The following CEP112 variants were observed in gnomAD, a reference collection of about 807,000 sequenced individuals.
CEP112 encodes the protein centrosomal protein 112.
A neutral mutation model predicts 153.0 loss-of-function variants in CEP112; 127 were observed. The observed-to-expected ratio is 0.83, with a 90% CI of 0.72 to 0.96. CEP112 has a LOEUF of 0.96. Ranked by LOEUF, CEP112 falls within the 40% of genes least tolerant of loss-of-function variation. The pLI, the probability that CEP112 is intolerant of heterozygous loss-of-function variation, is 0.00. For missense variants in CEP112, 1,089 were observed against 1,101.2 expected, an observed-to-expected ratio of 0.99 and a Z score of 0.16; for synonymous variants, 358 against 374.4, an observed-to-expected ratio of 0.96 and a Z score of 0.51.
At chr17:65,874,596 A>G (rs2058763965) in intron 20 of CEP112, among the ~76,000 whole-genome samples, 1 of 152,070 alleles carries the variant, frequency 6.6e-6, no homozygotes, top group South Asian at 2.1e-4. Flanking sequence ...TAAAGCCTGT[A>G]ATTTTGCTTC....
chr17:65,805,770 T>A (rs2055561331), intron 21 of CEP112, among the ~76,000 whole-genome samples: 1 of 152,216 alleles, frequency 6.6e-6, no homozygotes, highest in South Asian at 2.1e-4. Context: ...AAAAATAATC[T>A]GAATTAATCC....
intron 17 of CEP112, among the ~76,000 whole-genome samples, chr17:65,980,098 C>T (rs1207364640): frequency 6.6e-6 from 1 of 152,074 alleles, no homozygotes; most frequent in East Asian, 1.9e-4. Flanking sequence ...CGATACAGAC[C>T]ATTTCCAGAC....
At chr17:65,685,189 T>C (rs556053711) in intron 24 of CEP112, among the ~76,000 whole-genome samples, 1 of 152,328 alleles carries the variant, frequency 6.6e-6, no homozygotes, top group African/African-American at 2.4e-5. Context: ...CACCAAGGCA[T>C]GTGGTGGACA....
Position 65,791,923 on chromosome 17 carries a change from A to T in CEP112, c.2395-41199T>A, listed in dbSNP as rs972275317. Among the ~76,000 whole-genome samples the T allele has an allele frequency of 5.9e-5, 9 of 152,232 alleles. No individual in the cohort carries two copies. In the East Asian group the frequency reaches 1.7e-3, roughly 29 times the overall value. Reference sequence around the variant, plus strand: ...TTTCACTGAGTCCGCAACTCTCAGCATGTAATTATTTATCTAATTCAAGTC... The same window carrying T: ...TTTCACTGAGTCCGCAACTCTCAGCTTGTAATTATTTATCTAATTCAAGTC... On this transcript the variant is annotated intron_variant, in intron 21 of 26. Transcript: ENST00000535342.
chr17:66,084,003 G>A (rs1227213471), intron 8 of CEP112, among the ~76,000 whole-genome samples: 1 of 152,156 alleles, frequency 6.6e-6, no homozygotes, highest in Non-Finnish European at 1.5e-5. Flanking sequence ...GTTGGAAGGT[G>A]AAAGGCTTTT....
chr17:65,816,731 C>G (rs958034953), intron 21 of CEP112, among the ~76,000 whole-genome samples: 3 of 151,758 alleles, frequency 2.0e-5, no homozygotes, highest in Admixed American at 1.3e-4. Flanking sequence ...TTGTGTGTGT[C>G]TGTAGTCTGT....
At chr17:66,095,709 A>C (rs1453724722) in intron 8 of CEP112, among the ~76,000 whole-genome samples, 1 of 152,226 alleles carries the variant, frequency 6.6e-6, no homozygotes, top group Non-Finnish European at 1.5e-5. Context: ...GGTGATTCAT[A>C]TATCAAGCTC....
chr17:65,811,231 T>C (rs6504359), intron 21 of CEP112, among the ~76,000 whole-genome samples: 148,281 of 152,272 alleles, frequency 0.97, 72,246 homozygotes, highest in East Asian at 1. Context: ...AAGGTAGAGG[T>C]AAATAGGGGC....
At chr17:65,833,428 A>T (rs1055522983) in intron 21 of CEP112, among the ~76,000 whole-genome samples, 3 of 152,108 alleles carry the variant, frequency 2.0e-5, no homozygotes, top group African/African-American at 7.2e-5. Flanking sequence ...CTCTGTTTGC[A>T]GACATGATTC....
chr17:66,022,212 CT>C (rs1464457381), intron 16 of CEP112, among the ~76,000 whole-genome samples: 1 of 152,142 alleles, frequency 6.6e-6, no homozygotes, highest in African/African-American at 2.4e-5. Context: ...GTAAACAGCT[CT>C]ACCCAACATA....
chr17:65,811,295 T>G (rs1486654300), intron 21 of CEP112, among the ~76,000 whole-genome samples: 19 of 152,154 alleles, frequency 1.2e-4, no homozygotes, highest in Admixed American at 1.2e-3. Context: ...CCATGAAATC[T>G]AAGCTGAGAA....
At chr17:65,982,303 CAGAGAAA>C (rs2063257232) in intron 17 of CEP112, among the ~76,000 whole-genome samples, 2 of 152,090 alleles carry the variant, frequency 1.3e-5, no homozygotes, top group Non-Finnish European at 2.9e-5. Flanking sequence ...TACTGATTAG[CAGAGAAA>C]AATGTGCTTT....
intron 17 of CEP112, among the ~76,000 whole-genome samples, chr17:65,983,919 T>C (rs2063314138): frequency 6.6e-6 from 1 of 152,196 alleles, no homozygotes; most frequent in South Asian, 2.1e-4. Context: ...CTCTCTACAT[T>C]GTGTTTCTGA....
chr17:66,102,053 C>A (rs2068588707), intron 6 of CEP112, among the ~76,000 whole-genome samples: 1 of 152,006 alleles, frequency 6.6e-6, no homozygotes. Flanking sequence ...ATTTTTCCAC[C>A]TTATATAGAT....
intron 11 of CEP112, among the ~76,000 whole-genome samples, chr17:66,057,457 T>C (rs2066739373): frequency 6.6e-6 from 1 of 152,106 alleles, no homozygotes; most frequent in South Asian, 2.1e-4. Context: ...GAAATACCCA[T>C]TTTAGCAACA....
intron 24 of CEP112, among the ~76,000 whole-genome samples, chr17:65,651,811 C>G (rs531877043): frequency 6.6e-6 from 1 of 152,170 alleles, no homozygotes; most frequent in Admixed American, 6.5e-5. Context: ...AGTGATTCTC[C>G]TGCCTCAGCC....
chr17:65,851,406 T>C (rs1437441702), intron 21 of CEP112, among the ~76,000 whole-genome samples: 1 of 152,196 alleles, frequency 6.6e-6, no homozygotes, highest in Admixed American at 6.5e-5. Flanking sequence ...TAAAAAGCTG[T>C]AAAATCTAGA....
intron 20 of CEP112, 146 bp downstream of exon 20, chr17:65,902,006 G>GGGGGGGAAA: frequency 4.1e-6 from 1 of 243,086 alleles, no homozygotes; most frequent in South Asian, 5.9e-5. Context: ...GGGTGGGGGG[G>GGGGGGGAAA]AGAAAAACAA....
intron 22 of CEP112, among the ~76,000 whole-genome samples, chr17:65,743,841 G>A (rs1268488184): frequency 6.6e-6 from 1 of 151,416 alleles, no homozygotes; most frequent in African/African-American, 2.4e-5. Flanking sequence ...GGCTCACTGA[G>A]ACCTCCACTT....
Sources: allele counts gnomAD v4.1 joint callset (sites outside exome capture counted in the v4.1 genomes callset), GRCh38; gene constraint gnomAD v4.1.1; transcripts MANE v1.5; gene names NCBI Gene and HGNC (gene_info 2026-07-23, HGNC 2026-07-21).